The following KCNH8 variants were observed in gnomAD, a reference collection of about 807,000 sequenced individuals.
KCNH8 encodes voltage-gated delayed rectifier potassium channel KCNH8.
In KCNH8, 70 loss-of-function variants were observed where a neutral mutation model predicts 103.6. The ratio of observed to expected loss-of-function variants is 0.68; its 90% CI spans 0.56 to 0.82. The LOEUF (loss-of-function observed/expected upper bound fraction) is 0.82. KCNH8 is among the 40% of genes least tolerant of loss of function. The pLI, the probability that KCNH8 is intolerant of heterozygous loss-of-function variation, is 0.00. For synonymous variants in KCNH8, 498 were observed against 489.4 expected (o/e 1.02, Z -0.23); for missense variants, 1,217 against 1,329.9 (o/e 0.92, Z 1.32).
intron 1 of KCNH8, among the ~76,000 whole-genome samples, chr3:19,252,260 C>T (rs1345191131): frequency 6.6e-6 from 1 of 152,146 alleles, no homozygotes; most frequent in Non-Finnish European, 1.5e-5. Flanking sequence ...TTGACTGTCT[C>T]TCCCCCAGGA....
intron 5 of KCNH8, among the ~76,000 whole-genome samples, chr3:19,366,275 T>C (rs542398867): frequency 2.0e-5 from 3 of 152,220 alleles, no homozygotes; most frequent in East Asian, 1.9e-4. Flanking sequence ...TTAGGTTTAA[T>C]GCCACAAGGA....
chr3:19,333,941 A>T (rs927712979), intron 3 of KCNH8, among the ~76,000 whole-genome samples: 1 of 152,106 alleles, frequency 6.6e-6, no homozygotes, highest in African/African-American at 2.4e-5. Flanking sequence ...ATTTTTTTTA[A>T]GCAGCACTTT....
At chr3:19,297,523 A>G (rs1017829238) in intron 3 of KCNH8, among the ~76,000 whole-genome samples, 5 of 152,188 alleles carry the variant, frequency 3.3e-5, no homozygotes, top group Non-Finnish European at 7.4e-5. Context: ...AGAGGGATTG[A>G]TTGGCTAAAT....
chr3:19,502,968 A>G (rs1461655607), intron 11 of KCNH8, among the ~76,000 whole-genome samples: 1 of 152,052 alleles, frequency 6.6e-6, no homozygotes, highest in African/African-American at 2.4e-5. Context: ...AGCAAAAGAA[A>G]CTACCATCAG....
At chr3:19,477,354 C>T (rs1326052325) in intron 11 of KCNH8, among the ~76,000 whole-genome samples, 1 of 151,248 alleles carries the variant, frequency 6.6e-6, no homozygotes, top group African/African-American at 2.4e-5. Flanking sequence ...TATTTATAAA[C>T]AAGAATTACT....
chr3:19,533,460 G>C lies in KCNH8; in HGVS notation c.2685G>C (p.Leu895=), dbSNP rs752285703. 1.2e-6 allele frequency: 2 copies of C among 1,614,102 alleles called. No individual in the cohort carries two copies. The highest frequency in any genetic ancestry group is 1.7e-6 in the Non-Finnish European group (2 of 1,180,024). The change falls in exon 16 of 16, where the codon CTG becomes CTC. Residue 895 remains leucine, a synonymous_variant. Transcript: ENST00000328405. ...GKDMRNVIQL[L]ENVLSPQQPS... is the part of the protein sequence containing the mutation. ...ACATGAGAAATGTGATCCAGCTTCT[G>C]GAAAACGTTCTGTCACCTCAGCAGC...
intron 3 of KCNH8, among the ~76,000 whole-genome samples, chr3:19,282,757 G>A (rs937504713): frequency 3.3e-5 from 5 of 151,924 alleles, no homozygotes; most frequent in South Asian, 2.1e-4. Context: ...GAATAACAGC[G>A]GTGAAGTATA....
intron 5 of KCNH8, among the ~76,000 whole-genome samples, chr3:19,374,801 T>C (rs941380854): frequency 3.3e-5 from 5 of 152,166 alleles, no homozygotes; most frequent in African/African-American, 1.2e-4. Flanking sequence ...GCAGGCCTGG[T>C]GGTGACAAAA....
chr3:19,224,089 T>C lies in KCNH8; in HGVS notation c.77-29565T>C, dbSNP rs75405381. Among the ~76,000 whole-genome samples, 513 of 152,290 alleles carry C rather than the reference T, an allele frequency of 3.4e-3. 15 individuals carry two copies. The East Asian group carries it at 0.063, about 19-fold the overall frequency. Reference sequence around the variant, plus strand: ...TGCATCTTAAAAGACAGAGCCAAGATTTCTGTTAAGATTAATTGACATGGA... The same window carrying C: ...TGCATCTTAAAAGACAGAGCCAAGACTTCTGTTAAGATTAATTGACATGGA... On this transcript the variant is annotated intron_variant, in intron 1 of 15. Transcript: ENST00000328405.
At chr3:19,177,271 A>C (rs1272198009) in intron 1 of KCNH8, among the ~76,000 whole-genome samples, 2 of 152,094 alleles carry the variant, frequency 1.3e-5, no homozygotes, top group South Asian at 2.1e-4. Flanking sequence ...AGGTAATTCA[A>C]ATATTTTAAT....
At chr3:19,285,977 A>G (rs1450190592) in intron 3 of KCNH8, among the ~76,000 whole-genome samples, 2 of 152,242 alleles carry the variant, frequency 1.3e-5, no homozygotes, top group African/African-American at 4.8e-5. Context: ...ATCGTGAAAG[A>G]TGATTTGTGT....
chr3:19,201,454 C>T (rs1024370001), intron 1 of KCNH8, among the ~76,000 whole-genome samples: 1 of 151,838 alleles, frequency 6.6e-6, no homozygotes, highest in African/African-American at 2.4e-5. Context: ...TTCTCTCCTC[C>T]AAGGATGCTG....
intron 3 of KCNH8, among the ~76,000 whole-genome samples, chr3:19,337,209 GT>G (rs2065596191): frequency 6.6e-6 from 1 of 151,944 alleles, no homozygotes; most frequent in African/African-American, 2.4e-5. Context: ...TGATCTTTAG[GT>G]TTGTTTTATG....
intron 1 of KCNH8, among the ~76,000 whole-genome samples, chr3:19,171,952 C>T (rs959133461): frequency 6.6e-6 from 1 of 152,100 alleles, no homozygotes; most frequent in Non-Finnish European, 1.5e-5. Flanking sequence ...CATTGTGTGA[C>T]AATGGGGTAA....
At chr3:19,228,975 C>G (rs545249597) in intron 1 of KCNH8, among the ~76,000 whole-genome samples, 1 of 152,346 alleles carries the variant, frequency 6.6e-6, no homozygotes, top group East Asian at 1.9e-4. Flanking sequence ...AACTCCAAAT[C>G]AGCATCTTTT....
intron 3 of KCNH8, among the ~76,000 whole-genome samples, chr3:19,316,330 C>G (rs532780240): frequency 6.6e-6 from 1 of 151,968 alleles, no homozygotes; most frequent in South Asian, 2.1e-4. Flanking sequence ...AAACTATCTC[C>G]AGACATTGTC....
intron 15 of KCNH8, among the ~76,000 whole-genome samples, chr3:19,526,231 C>T (rs1038814048): frequency 2.6e-5 from 4 of 151,826 alleles, no homozygotes; most frequent in African/African-American, 9.7e-5. Flanking sequence ...AGGTCAAGAA[C>T]TCTTCAAGCT....
At chr3:19,476,278 T>C (rs772374958) in intron 11 of KCNH8, among the ~76,000 whole-genome samples, 1 of 152,142 alleles carries the variant, frequency 6.6e-6, no homozygotes, top group African/African-American at 2.4e-5. Context: ...GACAAGGAGG[T>C]TCAACTTTTT....
At chr3:19,461,561 G>C (rs1244017275) in intron 11 of KCNH8, among the ~76,000 whole-genome samples, 1 of 152,150 alleles carries the variant, frequency 6.6e-6, no homozygotes, top group Admixed American at 6.6e-5. Context: ...TAAGTGATGG[G>C]TTGTGGGAGG....
Sources: gnomAD v4.1 joint callset for allele counts (sites outside exome capture counted in the v4.1 genomes callset) on GRCh38, gnomAD v4.1.1 for gene constraint, MANE v1.5 for transcripts, NCBI Gene and HGNC (gene_info 2026-07-23, HGNC 2026-07-21) for gene names.